MYPN: variants seen among roughly 807,000 people sequenced by gnomAD.
MYPN encodes myopalladin.
In MYPN, 63 loss-of-function variants were observed where a neutral mutation model predicts 129.4. The ratio of observed to expected loss-of-function variants is 0.49; its 90% CI spans 0.40 to 0.60. MYPN has a LOEUF of 0.60. Ranked by LOEUF, MYPN falls within the 20% of genes least tolerant of loss-of-function variation. The pLI, the probability that MYPN is intolerant of heterozygous loss-of-function variation, is 0.00. For missense variants in MYPN, 1,596 were observed against 1,635.4 expected (o/e 0.98, Z 0.42); for synonymous variants, 629 against 600.9 (o/e 1.05, Z -0.68).
At chr10:68,152,202 C>G (rs1478313195) in intron 6 of MYPN, among the ~76,000 whole-genome samples, 1 of 152,152 alleles carries the variant, frequency 6.6e-6, no homozygotes, top group Non-Finnish European at 1.5e-5. Context: ...ATGAAGCCTC[C>G]AGGAGCAGGC....
chr10:68,120,998 G>C (rs2042232434), intron 1 of MYPN, among the ~76,000 whole-genome samples: 1 of 152,126 alleles, frequency 6.6e-6, no homozygotes, highest in Non-Finnish European at 1.5e-5. Flanking sequence ...TGTAAAAGGG[G>C]GAGGGCACAG....
chr10:68,198,676 C>T (rs551015389), intron 16 of MYPN, among the ~76,000 whole-genome samples: 2 of 152,288 alleles, frequency 1.3e-5, no homozygotes, highest in African/African-American at 4.8e-5. Context: ...GATTTTTAAA[C>T]ACCTCCCACA....
chr10:68,149,581 G>A (rs546685097), intron 5 of MYPN, among the ~76,000 whole-genome samples: 37 of 152,166 alleles, frequency 2.4e-4, no homozygotes, highest in Non-Finnish European at 3.2e-4. Context: ...TTACAGCTGT[G>A]AGCCACCATA....
chr10:68,098,634 A>C (rs2041968135), intron 1 of MYPN, among the ~76,000 whole-genome samples: 1 of 152,026 alleles, frequency 6.6e-6, no homozygotes, highest in South Asian at 2.1e-4. Context: ...TCATGAGGTC[A>C]GGTGTTTGAG....
Position 68,156,560 on chromosome 10 carries a change from A to G in MYPN, c.1318-1926A>G, listed in dbSNP as rs865907249. Among the ~76,000 whole-genome samples, 12 of 152,370 alleles carry G rather than the reference A, an allele frequency of 7.9e-5. 1 individual carries two copies. The South Asian group carries it at 1.0e-3, about 13-fold the overall frequency. ...AAGAATAAAACACTAGCATTGAACT[A>G]CAGCGCCTCCTGGCTGTCACAATAT... On this transcript the variant is annotated intron_variant, in intron 6 of 19. Coordinates refer to ENST00000358913, the MANE Select transcript of MYPN (RefSeq NM_032578.4).
At chr10:68,124,448 A>G (rs771643696) in intron 2 of MYPN, among the ~76,000 whole-genome samples, 45 of 152,356 alleles carry the variant, frequency 3.0e-4, no homozygotes, top group Middle Eastern at 3.4e-3. Context: ...ATTCAATTAT[A>G]GGACAATAGT....
Position 68,210,346 on chromosome 10 carries a change from G to A in MYPN, c.3854G>A (p.Gly1285Glu), listed in dbSNP as rs757985797. ...GTCCGGCCCAGTGGCAGTCGCTACGGATCTCTCACCAGTAAAGGACTTGAC... is the reference window on the plus strand; with the variant it reads ...GTCCGGCCCAGTGGCAGTCGCTACGAATCTCTCACCAGTAAAGGACTTGAC... Reference protein sequence around the residue: ...MSVRPSGSRYGSLTSKGLDIF... With the variant: ...MSVRPSGSRYESLTSKGLDIF... Residue 1285 changes from glycine to glutamate, a missense_variant, in exon 20 of 20, where the codon GGA (glycine) becomes GAA (glutamate). By Grantham distance (98) the Gly-to-Glu change is moderately conservative. Transcript: ENST00000358913. 2.6e-5 allele frequency: 42 copies of A among 1,613,986 alleles called. No homozygotes were observed. The East Asian group carries it at 8.9e-4, about 34-fold the overall frequency.
At chr10:68,140,040 G>A (rs1292680747) in intron 2 of MYPN, among the ~76,000 whole-genome samples, 9 of 152,188 alleles carry the variant, frequency 5.9e-5, no homozygotes, top group Non-Finnish European at 1.2e-4. Flanking sequence ...TTGGGAAGAG[G>A]GTCAGGGAGG....
intron 12 of MYPN, among the ~76,000 whole-genome samples, chr10:68,181,519 A>C (rs1348914598): frequency 1.3e-5 from 2 of 151,754 alleles, no homozygotes; most frequent in Non-Finnish European, 2.9e-5. Flanking sequence ...CGAACTCTTG[A>C]CCTCAAGTGA....
At chr10:68,206,612 A>T (rs1346926102) in intron 18 of MYPN, among the ~76,000 whole-genome samples, 158 bp from the exon 19 acceptor site, 1 of 152,170 alleles carries the variant, frequency 6.6e-6, no homozygotes, top group Non-Finnish European at 1.5e-5. Context: ...TCCTAGCATG[A>T]TTAAGCTCAC....
At chr10:68,101,632 A>G (rs764626458), upstream of MYPN, among the ~76,000 whole-genome samples, 17 of 151,892 alleles carry the variant, frequency 1.1e-4, no homozygotes, top group Non-Finnish European at 5.9e-5. Context: ...TTTGTCTTCA[A>G]TGTGTTTATT....
intron 1 of MYPN, among the ~76,000 whole-genome samples, chr10:68,090,390 C>T (rs2041925461): frequency 6.6e-6 from 1 of 152,122 alleles, no homozygotes; most frequent in East Asian, 1.9e-4. Flanking sequence ...GTTTCGAACT[C>T]CTGACCTCAA....
At chr10:68,180,344 C>T (rs562209960) in intron 12 of MYPN, among the ~76,000 whole-genome samples, 16 of 152,222 alleles carry the variant, frequency 1.1e-4, no homozygotes, top group African/African-American at 3.6e-4. Flanking sequence ...TGCCACTACT[C>T]GTGGCTAATT....
intron 3 of MYPN, among the ~76,000 whole-genome samples, chr10:68,145,244 G>A (rs1040597088): frequency 2.6e-5 from 4 of 151,914 alleles, no homozygotes; most frequent in Non-Finnish European, 4.4e-5. Flanking sequence ...GGCTGGTCTC[G>A]AACTCCGGAC....
intron 2 of MYPN, among the ~76,000 whole-genome samples, chr10:68,134,270 T>A (rs905570615): frequency 2.0e-5 from 3 of 152,252 alleles, no homozygotes; most frequent in Admixed American, 6.5e-5. Context: ...CCTGCCATAT[T>A]ACATTCTAGA....
At chr10:68,180,027 G>A (rs1409253432) in intron 12 of MYPN, among the ~76,000 whole-genome samples, 3 of 152,178 alleles carry the variant, frequency 2.0e-5, no homozygotes, top group Non-Finnish European at 4.4e-5. Context: ...GGTAGAGTCT[G>A]TGTTTTGCAG....
chr10:68,210,222 T>G, intron 19 of MYPN, 64 bp from the exon 20 acceptor site: 2 of 1,572,980 alleles, frequency 1.3e-6, no homozygotes, highest in Non-Finnish European at 1.7e-6. Flanking sequence ...AGAATGCACC[T>G]CTGCAGCGTA....
At chr10:68,185,934 A>C (rs1360419075) in intron 12 of MYPN, among the ~76,000 whole-genome samples, 1 of 152,230 alleles carries the variant, frequency 6.6e-6, no homozygotes, top group African/African-American at 2.4e-5. Flanking sequence ...CATTGTGAAG[A>C]ATTAGGCTGA....
Position 68,189,111 on chromosome 10 carries a change from G to A in MYPN, c.2910G>A (p.Gly970=). Residue 970 remains glycine (G), a synonymous_variant, in exon 13 of 20, where the codon GGG becomes GGA. Transcript: ENST00000358913. ...SPVTFTCKIV[G]IPVPKVYWFK... is the part of the protein sequence containing the mutation. Reference sequence around the variant, plus strand: ...TTACATTCACCTGCAAAATTGTTGGGATACCTGTTCCAAAGGTAGGGAAGA... The same window carrying A: ...TTACATTCACCTGCAAAATTGTTGGAATACCTGTTCCAAAGGTAGGGAAGA... 6.2e-7 allele frequency: 1 copy of A among 1,613,902 alleles called. No homozygotes were observed.
Sources: gnomAD v4.1 joint callset for allele counts (sites outside exome capture counted in the v4.1 genomes callset) on GRCh38, gnomAD v4.1.1 for gene constraint, MANE v1.5 for transcripts, NCBI Gene and HGNC (gene_info 2026-07-23, HGNC 2026-07-21) for gene names.